The following SMAD2 variants were observed in gnomAD, a reference collection of about 807,000 sequenced individuals.
The protein encoded by SMAD2 is SMAD family member 2, also known as MAD homolog 2.
In SMAD2, 8 loss-of-function variants were observed where a neutral mutation model predicts 64.4. The observed-to-expected ratio is 0.12, with a 90% confidence interval of 0.07 to 0.22. The LOEUF is 0.22. Ranked by LOEUF, SMAD2 falls within the 10% of genes least tolerant of loss-of-function variation. SMAD2 has a pLI of 1.00. For missense variants in SMAD2, 289 were observed against 561.2 expected (o/e 0.51, Z 4.90); for synonymous variants, 203 against 195.8 (o/e 1.04, Z -0.31).
At chr18:47,911,993 T>A (rs1031771905) in intron 1 of SMAD2, among the ~76,000 whole-genome samples, 1 of 152,194 alleles carries the variant, frequency 6.6e-6, no homozygotes, top group Non-Finnish European at 1.5e-5. Flanking sequence ...CGTAGTATCA[T>A]GTGACACAGT....
chr18:47,890,498 C>T (rs1294010833), intron 2 of SMAD2, among the ~76,000 whole-genome samples: 1 of 152,150 alleles, frequency 6.6e-6, no homozygotes, highest in Non-Finnish European at 1.5e-5. Context: ...CTGAATATTT[C>T]CAATAAATCA....
intron 1 of SMAD2, chr18:47,923,773 T>TTC (rs1446233160): frequency 1.3e-5 from 2 of 152,222 alleles, no homozygotes; most frequent in Non-Finnish European, 2.9e-5. Context: ...TCTAAAGGCT[T>TTC]TCTAGTTGCT....
chr18:47,911,147 C>G (rs1437179663), intron 1 of SMAD2, among the ~76,000 whole-genome samples: 1 of 151,854 alleles, frequency 6.6e-6, no homozygotes, highest in South Asian at 2.1e-4. Flanking sequence ...GTCAGGCATT[C>G]GAGAACTAGC....
intron 1 of SMAD2, among the ~76,000 whole-genome samples, chr18:47,915,903 T>C (rs542117205): frequency 6.6e-6 from 1 of 152,372 alleles, no homozygotes; most frequent in African/African-American, 2.4e-5. Context: ...TTATACCGTA[T>C]GTACTCTTCT....
At chr18:47,894,957 G>A (rs948644847) in intron 2 of SMAD2, among the ~76,000 whole-genome samples, 2 of 152,144 alleles carry the variant, frequency 1.3e-5, no homozygotes, top group African/African-American at 4.8e-5. Flanking sequence ...TTTACTTCGT[G>A]TGCTAGCACA....
intron 2 of SMAD2, among the ~76,000 whole-genome samples, chr18:47,893,387 A>C (rs973699432): frequency 2.0e-5 from 3 of 152,260 alleles, no homozygotes; most frequent in Non-Finnish European, 4.4e-5. Context: ...CTGTTCAGTA[A>C]ACATTTCAAC....
chr18:47,828,455 G>A lies in SMAD2; in HGVS notation c.*13372C>T, dbSNP rs569846626. ...GTGTACCCAACAGCTCATTGAGAGC[G>A]GGCCATGATGACGATGGCGGTTTTG... On this transcript the variant is annotated 3_prime_UTR_variant, in exon 11 of 11. Coordinates refer to ENST00000262160, the MANE Select transcript of SMAD2 (RefSeq NM_005901.6). The A allele has an allele frequency of 6.0e-3, 989 of 165,902 alleles. 6 individuals are homozygous for A. Among genetic ancestry groups the A allele is most frequent in the African/African-American group, 8.2e-3 (344 of 41,742 alleles). The allele number at this position is 165,902 out of a possible 1,614,324, so 10.3% of individuals were successfully genotyped here.
intron 6 of SMAD2, among the ~76,000 whole-genome samples, chr18:47,864,437 G>C (rs1388790813): frequency 2.0e-5 from 3 of 152,176 alleles, no homozygotes; most frequent in Non-Finnish European, 2.9e-5. Flanking sequence ...GTGTCCAACA[G>C]TTAAGATACA....
At chr18:47,899,288 G>A (rs1030833375) in intron 1 of SMAD2, among the ~76,000 whole-genome samples, 27 of 152,044 alleles carry the variant, frequency 1.8e-4, no homozygotes, top group African/African-American at 5.1e-4. Flanking sequence ...GGAGGTGCCC[G>A]ATAAGCAGCT....
chr18:47,873,120 G>T (rs1418061047), intron 2 of SMAD2, among the ~76,000 whole-genome samples: 1 of 152,024 alleles, frequency 6.6e-6, no homozygotes, highest in African/African-American at 2.4e-5. Flanking sequence ...GATTACAGAA[G>T]TAAGTCAACG....
At chr18:47,888,631 C>T (rs545854843) in intron 2 of SMAD2, among the ~76,000 whole-genome samples, 1 of 152,208 alleles carries the variant, frequency 6.6e-6, no homozygotes, top group African/African-American at 2.4e-5. Flanking sequence ...AAATGGCAGT[C>T]TAGCCCCACC....
chr18:47,849,278 C>T (rs1286241036), intron 7 of SMAD2, among the ~76,000 whole-genome samples: 2 of 151,930 alleles, frequency 1.3e-5, no homozygotes, highest in Non-Finnish European at 2.9e-5. Context: ...CAAGTAGAAA[C>T]AGACCATAGA....
chr18:47,865,022 C>G, intron 6 of SMAD2, 37 bp downstream of exon 6: 1 of 1,174,272 alleles, frequency 8.5e-7, no homozygotes, highest in South Asian at 1.2e-5. Flanking sequence ...AAATGTATAT[C>G]TAATAACTGA....
chr18:47,850,264 A>ATATATAT (rs1473725505), intron 7 of SMAD2, among the ~76,000 whole-genome samples: 2 of 80,130 alleles, frequency 2.5e-5, no homozygotes, highest in Non-Finnish European at 2.1e-5. Flanking sequence ...ATTATGTATA[A>ATATATAT]TATATATTAT....
intron 1 of SMAD2, among the ~76,000 whole-genome samples, chr18:47,918,399 G>C (rs561325899): frequency 2.6e-5 from 4 of 152,200 alleles, no homozygotes; most frequent in African/African-American, 9.6e-5. Context: ...GTACCTGACC[G>C]ACCCAGGAGG....
intron 1 of SMAD2, among the ~76,000 whole-genome samples, chr18:47,906,564 C>G (rs1031153041): frequency 1.5e-4 from 23 of 152,148 alleles, no homozygotes; most frequent in African/African-American, 5.3e-4. Flanking sequence ...TCTGACACTA[C>G]TAAATGTTGA....
chr18:47,906,933 G>GATA (rs2033929049), intron 1 of SMAD2, among the ~76,000 whole-genome samples: 1 of 152,028 alleles, frequency 6.6e-6, no homozygotes, highest in Admixed American at 6.5e-5. Context: ...GATAATCCAG[G>GATA]ATCATCTCTC....
intron 2 of SMAD2, among the ~76,000 whole-genome samples, chr18:47,878,697 C>G (rs1160245949): frequency 6.6e-6 from 1 of 152,172 alleles, no homozygotes; most frequent in Non-Finnish European, 1.5e-5. Context: ...AAAAACTCAA[C>G]AGTTTCTAAG....
At position 47,827,261 on chromosome 18, in the gene SMAD2, T is replaced by G; in HGVS notation, c.*14566A>C. 1 of 152,312 alleles carries G rather than the reference T, an allele frequency of 6.6e-6. No individual in the cohort carries two copies. Among genetic ancestry groups the G allele is most frequent in the East Asian group, 1.9e-4 (1 of 5,190 alleles). 9.4% of individuals were successfully genotyped at this position (152,312 alleles called of 1,614,324 possible). ...CTTAGCATTCTTGTTAAAAATGGCC[T>G]TTAAGATATTGCTATTCCCAGTCAA... is the stretch of plus-strand genomic sequence containing the variant. On this transcript the variant is annotated 3_prime_UTR_variant, in exon 11 of 11. Transcript: ENST00000262160.
Sources: allele counts gnomAD v4.1 joint callset (sites outside exome capture counted in the v4.1 genomes callset), GRCh38; gene constraint gnomAD v4.1.1; transcripts MANE v1.5; gene names NCBI Gene and HGNC (gene_info 2026-07-23, HGNC 2026-07-21).